The following CDS1 variants were observed in gnomAD, a reference collection of about 807,000 sequenced individuals.
The protein encoded by CDS1 is phosphatidate cytidylyltransferase 1.
Under a neutral mutation model 62.1 loss-of-function variants are expected in CDS1, and 41 were observed. That is an observed-to-expected ratio of 0.66 (90% CI 0.51 to 0.86). The LOEUF is 0.86. CDS1 is among the 40% of genes least tolerant of loss of function. The pLI is 0.00. For missense variants in CDS1, 470 were observed against 550.1 expected (o/e 0.85, Z 1.46); for synonymous variants, 185 against 192.6 (o/e 0.96, Z 0.32).
At chr4:84,647,756 C>T (rs1335366192) in intron 12 of CDS1, among the ~76,000 whole-genome samples, 2 of 152,290 alleles carry the variant, frequency 1.3e-5, no homozygotes, top group Middle Eastern at 3.4e-3. Flanking sequence ...AATAGTTCCT[C>T]TGCTCATCCT....
At chr4:84,596,097 T>C (rs1560464934) in intron 1 of CDS1, among the ~76,000 whole-genome samples, 1 of 152,172 alleles carries the variant, frequency 6.6e-6, no homozygotes, top group Non-Finnish European at 1.5e-5. Context: ...ACAGTCATAA[T>C]TCTCTCAGCA....
intron 8 of CDS1, among the ~76,000 whole-genome samples, chr4:84,638,169 A>G (rs1724271728): frequency 6.6e-6 from 1 of 152,100 alleles, no homozygotes; most frequent in Non-Finnish European, 1.5e-5. Context: ...TTGCTCCTGA[A>G]TCTTTTCCTC....
chr4:84,594,454 A>T (rs74605459), intron 1 of CDS1, among the ~76,000 whole-genome samples: 3 of 149,672 alleles, frequency 2.0e-5, no homozygotes, highest in South Asian at 4.2e-4. Flanking sequence ...ATAGATATAC[A>T]TTTTTTTTTT....
intron 1 of CDS1, among the ~76,000 whole-genome samples, chr4:84,585,513 C>A (rs1722386504): frequency 6.6e-6 from 1 of 152,152 alleles, no homozygotes; most frequent in East Asian, 1.9e-4. Context: ...TCAGTTTGCA[C>A]ACTGGAGGCT....
intron 3 of CDS1, among the ~76,000 whole-genome samples, chr4:84,616,862 A>C (rs1723512754): frequency 1.3e-5 from 2 of 152,246 alleles, no homozygotes; most frequent in African/African-American, 4.8e-5. Flanking sequence ...TTATAAATCT[A>C]AACCCGTTTA....
At position 84,650,152 on chromosome 4, in the gene CDS1, C is replaced by T. The variant is rs996729262; in HGVS notation, c.*1466C>T. ...TATTTTATATTTCCGTCTACTATAC[C>T]TAAAACAAAAGATTGCCGTTATACC... On this transcript the variant is annotated 3_prime_UTR_variant, in exon 13 of 13. Transcript: ENST00000295887. 23 of 152,048 alleles carry T rather than the reference C, an allele frequency of 1.5e-4. No homozygotes were observed. Among genetic ancestry groups the T allele is most frequent in the African/African-American group, 5.6e-4 (23 of 41,400 alleles). The allele number at this position is 152,048 out of a possible 1,614,324, so 9.4% of individuals were successfully genotyped here. A position where few individuals can be genotyped will look rare whatever the true frequency, so the allele number is the denominator to read the frequency against.
At chr4:84,629,669 A>G (rs1723962367) in intron 5 of CDS1, among the ~76,000 whole-genome samples, 3 of 152,128 alleles carry the variant, frequency 2.0e-5, no homozygotes, top group Admixed American at 2.0e-4. Flanking sequence ...TGCTAGGAAA[A>G]CACTTTATAC....
chr4:84,598,806 T>A (rs529565907), intron 1 of CDS1, among the ~76,000 whole-genome samples: 9 of 152,254 alleles, frequency 5.9e-5, no homozygotes, highest in African/African-American at 2.2e-4. Flanking sequence ...GTTGTATATG[T>A]TTATGGAGTA....
In CDS1 at chr4:84,645,132, G is replaced by T. The variant is rs1325283781; in HGVS notation, c.1153-90G>T. On this transcript the variant is annotated intron_variant, in intron 11 of 12. Transcript: ENST00000295887. Reference sequence around the variant, plus strand: ...CCAATAGTAATGTATTTTCGTTAGAGTGAGTCCATGACGCCAAAGAGACAC... The same window carrying T: ...CCAATAGTAATGTATTTTCGTTAGATTGAGTCCATGACGCCAAAGAGACAC... 3 of 806,026 alleles carry T rather than the reference G, an allele frequency of 3.7e-6. No individual in the cohort carries two copies. The Admixed American group carries it at 6.2e-5, about 17-fold the overall frequency. 49.9% of individuals were successfully genotyped at this position (806,026 alleles called of 1,614,324 possible). A position where few individuals can be genotyped will look rare whatever the true frequency, so the allele number is the denominator to read the frequency against.
intron 1 of CDS1, among the ~76,000 whole-genome samples, chr4:84,603,490 G>C (rs1335788052): frequency 1.3e-5 from 2 of 152,128 alleles, no homozygotes; most frequent in African/African-American, 4.8e-5. Flanking sequence ...ACTTACAGCA[G>C]AATGAACAAC....
chr4:84,626,027 C>A (rs749677944), intron 5 of CDS1, among the ~76,000 whole-genome samples: 1 of 151,798 alleles, frequency 6.6e-6, no homozygotes, highest in Non-Finnish European at 1.5e-5. Context: ...ATTAGCCGGG[C>A]GTGGTGGTGC....
chr4:84,626,790 G>C (rs1429565187), intron 5 of CDS1, among the ~76,000 whole-genome samples: 1 of 152,200 alleles, frequency 6.6e-6, no homozygotes, highest in African/African-American at 2.4e-5. Flanking sequence ...TGCAGGCCTG[G>C]CATTGAGGGT....
intron 2 of CDS1, among the ~76,000 whole-genome samples, chr4:84,605,379 T>G (rs1723062459): frequency 6.6e-6 from 1 of 152,124 alleles, no homozygotes; most frequent in African/African-American, 2.4e-5. Flanking sequence ...TACCCTTGGG[T>G]CATAGCCTGC....
chr4:84,599,434 A>G (rs1362182956), intron 1 of CDS1, among the ~76,000 whole-genome samples: 5 of 119,548 alleles, frequency 4.2e-5, no homozygotes, highest in Admixed American at 1.6e-4. Context: ...ATATATATAT[A>G]TATATATATA....
At chr4:84,612,142 G>C (rs1723343915) in intron 3 of CDS1, among the ~76,000 whole-genome samples, 2 of 151,504 alleles carry the variant, frequency 1.3e-5, no homozygotes, top group Admixed American at 1.3e-4. Flanking sequence ...TGCTCACGGT[G>C]CTTCCTCGGT....
chr4:84,639,426 T>G (rs898081592), intron 9 of CDS1, among the ~76,000 whole-genome samples: 14 of 152,220 alleles, frequency 9.2e-5, no homozygotes, highest in Non-Finnish European at 2.9e-5. Flanking sequence ...TGGTGGCCAC[T>G]TGGCTCAGTG....
At position 84,583,152 on chromosome 4, in the gene CDS1, CGGAGCCT is replaced by C. The variant is rs1030654277; in HGVS notation, c.-248_-242del. 54 of 432,698 alleles carry C rather than the reference CGGAGCCT, an allele frequency of 1.2e-4. No homozygotes were observed. The highest frequency in any genetic ancestry group is 1.1e-3 in the African/African-American group (53 of 47,748). The allele number at this position is 432,698 out of a possible 1,614,324, so 26.8% of individuals were successfully genotyped here. A position where few individuals can be genotyped will look rare whatever the true frequency, so the allele number is the denominator to read the frequency against. On this transcript the variant is annotated 5_prime_UTR_variant, in exon 1 of 13. Transcript: ENST00000295887. ...GCCTTCTCTGCTCGCGCCTGGCGCC[CGGAGCCT>C]GCCCGGGACCTCCGCCGGAGCCGCG...
intron 2 of CDS1, among the ~76,000 whole-genome samples, chr4:84,608,459 C>T (rs2110051048): frequency 6.6e-6 from 1 of 152,280 alleles, no homozygotes; most frequent in South Asian, 2.1e-4. Flanking sequence ...CAGGCGTGAG[C>T]CACCACGCCC....
intron 5 of CDS1, among the ~76,000 whole-genome samples, chr4:84,621,986 C>G (rs541979715): frequency 1.1e-3 from 166 of 152,288 alleles, no homozygotes; most frequent in Non-Finnish European, 2.0e-3. Context: ...ACACTTGACT[C>G]TGATTCTGTG....
Sources: allele counts gnomAD v4.1 joint callset (sites outside exome capture counted in the v4.1 genomes callset), GRCh38; gene constraint gnomAD v4.1.1; transcripts MANE v1.5; gene names NCBI Gene and HGNC (gene_info 2026-07-23, HGNC 2026-07-21).